The following STAU1 variants were observed in gnomAD, a reference collection of about 807,000 sequenced individuals.
The protein encoded by STAU1 is double-stranded RNA-binding protein Staufen homolog 1.
A neutral mutation model predicts 62.9 loss-of-function variants in STAU1; 13 were observed. The observed-to-expected ratio is 0.21, with a 90% confidence interval of 0.13 to 0.33. STAU1 has a LOEUF of 0.33. STAU1 is among the 10% of genes least tolerant of loss of function. The probability of loss-of-function intolerance (pLI) is 1.00; values close to 1 mark genes in which losing one functional copy is unlikely to be tolerated. For missense variants in STAU1, 571 were observed against 712.1 expected, an observed-to-expected ratio of 0.80 and a Z score of 2.25; for synonymous variants, 269 against 265.1, an observed-to-expected ratio of 1.01 and a Z score of -0.14.
the STAU1 span, among the ~76,000 whole-genome samples, chr20:49,196,076 A>G: frequency 2.0e-5 from 3 of 149,680 alleles, no homozygotes; most frequent in Admixed American, 6.7e-5. Context: ...GTGAGCCGAG[A>G]TCACACCACT....
intron 6 of STAU1, among the ~76,000 whole-genome samples, chr20:49,126,588 C>CAAAACAAACAA (rs1555837253): frequency 8.9e-5 from 5 of 56,344 alleles, no homozygotes; most frequent in African/African-American, 3.2e-4. Flanking sequence ...AAAAAAAAAA[C>CAAAACAAACAA]AAAAAAAAAA....
chr20:49,133,801 C>A (rs572611394), intron 6 of STAU1, among the ~76,000 whole-genome samples: 1 of 152,216 alleles, frequency 6.6e-6, no homozygotes, highest in Admixed American at 6.5e-5. Flanking sequence ...AACAAGCCCT[C>A]GTACCCAGGT....
At chr20:49,203,449 C>G in the STAU1 span, among the ~76,000 whole-genome samples, 1 of 152,134 alleles carries the variant, frequency 6.6e-6, no homozygotes, top group Middle Eastern at 3.4e-3. Context: ...TGATAAGTTT[C>G]TAACCAGGAT....
chr20:49,135,907 C>G lies in STAU1; in HGVS notation c.535G>C (p.Glu179Gln). 1 of 1,613,774 alleles carries G rather than the reference C, an allele frequency of 6.2e-7. No homozygotes were observed. The highest frequency in any genetic ancestry group is 2.2e-5 in the East Asian group (1 of 44,864). The change falls in exon 6 of 14, where the codon GAA becomes CAA. Residue 179 changes from glutamate to glutamine, a missense_variant. Glu to Gln is a conservative substitution (Grantham distance 29). Coordinates refer to ENST00000371856, the MANE Select transcript of STAU1 (RefSeq NM_017453.4). ...LEVNGRESEE[E>Q]NLNKSEISQV... Reference sequence around the variant, plus strand: ...CTTATTTCAGATTTATTGAGATTTTCTTCTTCGGATTCTCTTCCATTCACC... The same window carrying G: ...CTTATTTCAGATTTATTGAGATTTTGTTCTTCGGATTCTCTTCCATTCACC...
At chr20:49,128,773 C>CAAAA (rs34891670) in intron 6 of STAU1, among the ~76,000 whole-genome samples, 9 of 102,622 alleles carry the variant, frequency 8.8e-5, no homozygotes, top group South Asian at 3.0e-4. Flanking sequence ...CATCCAAATC[C>CAAAA]AAAAAAAAAA....
intron 1 of STAU1, among the ~76,000 whole-genome samples, chr20:49,181,839 T>C (rs1252797431): frequency 6.7e-6 from 1 of 149,886 alleles, no homozygotes; most frequent in African/African-American, 2.5e-5. Context: ...AGCAATCATG[T>C]TCATTCAGGG....
chr20:49,134,208 G>C (rs348299), intron 6 of STAU1, among the ~76,000 whole-genome samples: 1 of 151,836 alleles, frequency 6.6e-6, no homozygotes, highest in Non-Finnish European at 1.5e-5. Flanking sequence ...GAGATGGGTG[G>C]ATCACCTGAG....
At chr20:49,183,837 G>A (rs2093755241) in intron 1 of STAU1, among the ~76,000 whole-genome samples, 1 of 151,870 alleles carries the variant, frequency 6.6e-6, no homozygotes, top group East Asian at 1.9e-4. Context: ...TAGGTTCTAG[G>A]GCATATTTCT....
intron 6 of STAU1, among the ~76,000 whole-genome samples, chr20:49,133,758 C>G (rs1344951710): frequency 6.6e-6 from 1 of 152,134 alleles, no homozygotes; most frequent in Non-Finnish European, 1.5e-5. Flanking sequence ...GGTGGAGGGG[C>G]AGGAATGAGT....
chr20:49,173,044 C>G (rs2093617355), intron 2 of STAU1, among the ~76,000 whole-genome samples: 1 of 151,684 alleles, frequency 6.6e-6, no homozygotes, highest in Non-Finnish European at 1.5e-5. Flanking sequence ...CGGGGTTTCA[C>G]CGTGTTAGCC....
In STAU1 at chr20:49,117,362, C is replaced by T. The variant is rs2092353196; in HGVS notation, c.1510-114G>A. 3 of 1,359,908 alleles carry T rather than the reference C, an allele frequency of 2.2e-6. No individual in the cohort carries two copies. The highest frequency in any genetic ancestry group is 2.7e-5 in the South Asian group (2 of 74,886). The allele number at this position is 1,359,908 out of a possible 1,614,324, so 84.2% of individuals were successfully genotyped here. A position where few individuals can be genotyped will look rare whatever the true frequency, so the allele number is the denominator to read the frequency against. ...TCACCAGCTCTTTTTTCCAACTCAG[C>T]CCCACTGTGGCCATACTAACACCTG... is the stretch of plus-strand genomic sequence containing the variant. On this transcript the variant is annotated intron_variant, in intron 11 of 13. Coordinates refer to ENST00000371856, the MANE Select transcript of STAU1 (RefSeq NM_017453.4). This position sits in a 1 kb window ranked among gnomAD's most constrained non-coding sequence, Gnocchi z 4.6.
the STAU1 span, among the ~76,000 whole-genome samples, chr20:49,202,555 C>A: frequency 2.0e-5 from 3 of 151,364 alleles, no homozygotes; most frequent in Non-Finnish European, 4.4e-5. Flanking sequence ...CAGAGCAAGA[C>A]TCCATCTCAA....
chr20:49,173,439 G>A (rs952444765), intron 2 of STAU1, among the ~76,000 whole-genome samples: 2 of 152,164 alleles, frequency 1.3e-5, no homozygotes, highest in Non-Finnish European at 2.9e-5. Flanking sequence ...CAACAAGAGC[G>A]AAACTCCGTT....
intron 5 of STAU1, among the ~76,000 whole-genome samples, chr20:49,138,915 G>T (rs1387088315): frequency 6.6e-6 from 1 of 152,060 alleles, no homozygotes; most frequent in African/African-American, 2.4e-5. Context: ...GTTCTACAGA[G>T]GTTTGGCTTG....
intron 2 of STAU1, among the ~76,000 whole-genome samples, chr20:49,173,832 T>C (rs541611480): frequency 7.9e-5 from 12 of 152,244 alleles, no homozygotes; most frequent in African/African-American, 2.9e-4. Flanking sequence ...GTTCTATGAG[T>C]TTGAAAATCA....
At chr20:49,205,278 C>T in the STAU1 span, among the ~76,000 whole-genome samples, 1 of 151,750 alleles carries the variant, frequency 6.6e-6, no homozygotes, top group Admixed American at 6.6e-5. Flanking sequence ...TGGCCTTGTG[C>T]AAGTTACTTC....
chr20:49,161,719 A>G (rs1052861334), intron 3 of STAU1, among the ~76,000 whole-genome samples: 12 of 152,224 alleles, frequency 7.9e-5, no homozygotes, highest in Admixed American at 1.3e-4. Context: ...GAAGTCAACT[A>G]GCAGTATATA....
chr20:49,182,656 G>T (rs1006654994), intron 1 of STAU1, among the ~76,000 whole-genome samples: 5 of 152,130 alleles, frequency 3.3e-5, no homozygotes, highest in Admixed American at 6.6e-5. Context: ...AGCTAACACG[G>T]TGAAACCCCA....
chr20:49,119,289 C>G (rs1443357004), intron 9 of STAU1, among the ~76,000 whole-genome samples: 1 of 152,140 alleles, frequency 6.6e-6, no homozygotes, highest in African/African-American at 2.4e-5. Flanking sequence ...AGGCTCAATC[C>G]TCCCATCTCA....
Sources: gnomAD v4.1 joint callset for allele counts (sites outside exome capture counted in the v4.1 genomes callset) on GRCh38, gnomAD v4.1.1 for gene constraint, Gnocchi (gnomAD v3.1) non-coding constraint, MANE v1.5 for transcripts, NCBI Gene and HGNC (gene_info 2026-07-23, HGNC 2026-07-21) for gene names.